Variants in CNOT4 observed in about 807,000 individuals in gnomAD.
The protein encoded by CNOT4 is CCR4-NOT transcription complex subunit 4, also known as CCR4-associated factor 4.
In CNOT4, 8 loss-of-function variants were observed where a neutral mutation model predicts 73.8. That is an observed-to-expected ratio of 0.11 (90% CI 0.06 to 0.20). The LOEUF (loss-of-function observed/expected upper bound fraction) is 0.20. CNOT4 is among the 10% of genes least tolerant of loss of function. The probability of loss-of-function intolerance (pLI) is 1.00; values close to 1 mark genes in which losing one functional copy is unlikely to be tolerated. For synonymous variants in CNOT4, 293 were observed against 321.1 expected (o/e 0.91, Z 0.94); for missense variants, 564 against 883.4 (o/e 0.64, Z 4.58).
intron 2 of CNOT4, among the ~76,000 whole-genome samples, chr7:135,433,866 C>T (rs529844424): frequency 6.6e-6 from 1 of 152,250 alleles, no homozygotes; most frequent in Non-Finnish European, 1.5e-5. Flanking sequence ...TAAAAGGACA[C>T]ATGAAAGCAG....
At position 135,363,879 on chromosome 7, in the gene CNOT4, G is replaced by A. The variant is rs752004848; in HGVS notation, c.1815C>T (p.Ser605=). 1.7e-5 allele frequency: 27 copies of A among 1,597,620 alleles called. No individual in the cohort carries two copies. Residue 605 remains serine, a synonymous_variant, in exon 11 of 12, where the codon AGC becomes AGT. Transcript: ENST00000541284. This position sits in a 1 kb window ranked among gnomAD's most constrained non-coding sequence, Gnocchi z 4.3. ...TDSLSWDSPG[S]WTDPAIITGI... is the part of the protein sequence containing the mutation. Reference sequence around the variant, plus strand: ...CTGTGATGATGGCTGGGTCTGTCCAGCTGCCAGGGCTGTCCCAACTCAGGC... The same window carrying A: ...CTGTGATGATGGCTGGGTCTGTCCAACTGCCAGGGCTGTCCCAACTCAGGC...
At chr7:135,468,456 G>A (rs1801364890) in intron 1 of CNOT4, among the ~76,000 whole-genome samples, 1 of 152,008 alleles carries the variant, frequency 6.6e-6, no homozygotes, top group Non-Finnish European at 1.5e-5. Flanking sequence ...CAAGGCAGGT[G>A]GGTGACCTGA....
intron 1 of CNOT4, among the ~76,000 whole-genome samples, chr7:135,457,341 T>C (rs1034831713): frequency 1.3e-5 from 2 of 151,706 alleles, no homozygotes; most frequent in African/African-American, 4.8e-5. Flanking sequence ...AAGGAAGAAA[T>C]GTTATTTGAG....
At chr7:135,498,470 A>G (rs1246306541) in intron 1 of CNOT4, among the ~76,000 whole-genome samples, 2 of 152,228 alleles carry the variant, frequency 1.3e-5, no homozygotes, top group East Asian at 3.8e-4. Context: ...GTTAGCATGC[A>G]TATATTAAAG....
At chr7:135,434,390 G>A (rs1388632124) in intron 2 of CNOT4, among the ~76,000 whole-genome samples, 1 of 152,182 alleles carries the variant, frequency 6.6e-6, no homozygotes, top group East Asian at 1.9e-4. Flanking sequence ...ACAAAGTCTG[G>A]TGACCAGGAG....
At chr7:135,484,215 A>T (rs972500330) in intron 1 of CNOT4, among the ~76,000 whole-genome samples, 1 of 152,088 alleles carries the variant, frequency 6.6e-6, no homozygotes, top group Non-Finnish European at 1.5e-5. Context: ...AATTAATTTA[A>T]TTTAAAAAAG....
chr7:135,470,706 G>A lies in CNOT4; in HGVS notation c.-92-32283C>T, dbSNP rs114986071. Among the ~76,000 whole-genome samples the A allele has an allele frequency of 5.2e-3, 798 of 152,202 alleles. 4 individuals are homozygous for A. The highest frequency in any genetic ancestry group is 0.018 in the African/African-American group (758 of 41,524). The stretch of plus-strand genomic sequence containing the variant: ...AATAGGTGAAACATGAACAAACCTG[G>A]AAAGCATTATGCTCAGTAAAAGAAG... On this transcript the variant is annotated intron_variant, in intron 1 of 11. Coordinates refer to ENST00000541284, the MANE Select transcript of CNOT4 (RefSeq NM_001190850.2).
intron 7 of CNOT4, among the ~76,000 whole-genome samples, chr7:135,400,635 A>G (rs1043143191): frequency 6.6e-6 from 1 of 152,128 alleles, no homozygotes; most frequent in African/African-American, 2.4e-5. Context: ...CTGGATTACA[A>G]CTAATTAGAA....
chr7:135,413,670 T>G (rs1244302074), intron 5 of CNOT4, 57 bp from the exon 6 acceptor site: 1 of 1,543,726 alleles, frequency 6.5e-7, no homozygotes, highest in Non-Finnish European at 8.8e-7. Flanking sequence ...GACAACACAA[T>G]GAGAATCTCC....
chr7:135,395,363 G>GA (rs962360837), intron 9 of CNOT4, among the ~76,000 whole-genome samples: 6 of 148,120 alleles, frequency 4.1e-5, no homozygotes, highest in Non-Finnish European at 7.5e-5. Flanking sequence ...AAGTAAAAAT[G>GA]AAAAAAAAAA....
At position 135,364,613 on chromosome 7, in the gene CNOT4, G is replaced by A. The variant is rs1416921499; in HGVS notation, c.1628-547C>T. On this transcript the variant is annotated intron_variant, in intron 10 of 11. Transcript: ENST00000541284. This position sits in a 1 kb window ranked among gnomAD's most constrained non-coding sequence, Gnocchi z 4.3. ...CAGAAGAGAAAAGCAGTAATGAACA[G>A]GCTTTTGAATTTGAAAAGAATGTAT... Among the ~76,000 whole-genome samples, 1 of 152,208 alleles carries A rather than the reference G, an allele frequency of 6.6e-6. No individual in the cohort carries two copies. Among genetic ancestry groups the A allele is most frequent in the Non-Finnish European group, 1.5e-5 (1 of 68,028 alleles).
chr7:135,417,079 G>T (rs1018240366), intron 3 of CNOT4, among the ~76,000 whole-genome samples: 1 of 152,188 alleles, frequency 6.6e-6, no homozygotes, highest in Non-Finnish European at 1.5e-5. Flanking sequence ...TCATACACCA[G>T]TAACAATCTG....
intron 1 of CNOT4, among the ~76,000 whole-genome samples, chr7:135,451,586 C>T (rs1800166538): frequency 6.6e-6 from 1 of 152,162 alleles, no homozygotes. Flanking sequence ...AGCTACCACA[C>T]CCAGCCAACT....
intron 1 of CNOT4, chr7:135,444,668 C>CA: frequency 8.6e-7 from 1 of 1,160,614 alleles, no homozygotes. Context: ...AGAAGGTTTT[C>CA]AGTGTTTTGC....
intron 10 of CNOT4, chr7:135,387,557 T>TTA: frequency 1.0e-6 from 1 of 975,382 alleles, no homozygotes; most frequent in Non-Finnish European, 1.2e-6. Flanking sequence ...TTTCATACTT[T>TTA]TTTTTTTAAC....
intron 1 of CNOT4, among the ~76,000 whole-genome samples, chr7:135,472,944 G>C (rs914968272): frequency 3.3e-5 from 5 of 152,078 alleles, no homozygotes; most frequent in African/African-American, 7.2e-5. Flanking sequence ...GGGAGGGTGA[G>C]GTGGGAGGAT....
intron 1 of CNOT4, among the ~76,000 whole-genome samples, chr7:135,459,327 G>A (rs1321139712): frequency 2.6e-5 from 4 of 152,136 alleles, no homozygotes; most frequent in Non-Finnish European, 5.9e-5. Flanking sequence ...AAAACAAGCA[G>A]CAGGAAGGAT....
intron 10 of CNOT4, among the ~76,000 whole-genome samples, chr7:135,391,725 T>C (rs1315359101): frequency 2.0e-5 from 3 of 152,086 alleles, no homozygotes; most frequent in Admixed American, 1.3e-4. Flanking sequence ...TCATTACCAG[T>C]GCAGCATTCT....
chr7:135,442,950 T>C (rs769448432), intron 1 of CNOT4, among the ~76,000 whole-genome samples: 2 of 151,918 alleles, frequency 1.3e-5, no homozygotes, highest in Non-Finnish European at 2.9e-5. Flanking sequence ...TTCCAGCTAC[T>C]TGGGAGACTG....
Sources: gnomAD v4.1 joint callset for allele counts (sites outside exome capture counted in the v4.1 genomes callset) on GRCh38, gnomAD v4.1.1 for gene constraint, Gnocchi (gnomAD v3.1) non-coding constraint, MANE v1.5 for transcripts, NCBI Gene and HGNC (gene_info 2026-07-23, HGNC 2026-07-21) for gene names.